Variants in ITGA9 observed in about 807,000 individuals in gnomAD.
ITGA9 encodes the protein integrin alpha-9.
Under a neutral mutation model 127.8 loss-of-function variants are expected in ITGA9, and 56 were observed. The observed-to-expected ratio is 0.44, with a 90% CI of 0.35 to 0.55. ITGA9 has a LOEUF of 0.55. Ranked by LOEUF, ITGA9 falls within the 20% of genes least tolerant of loss-of-function variation. The pLI is 0.00. For synonymous variants in ITGA9, 508 were observed against 514.5 expected, an observed-to-expected ratio of 0.99 and a Z score of 0.17; for missense variants, 1,196 against 1,347.1, an observed-to-expected ratio of 0.89 and a Z score of 1.76.
intron 15 of ITGA9, among the ~76,000 whole-genome samples, chr3:37,578,147 A>C (rs987918438): frequency 6.6e-6 from 1 of 152,214 alleles, no homozygotes. Flanking sequence ...AGAAATGTTC[A>C]ATGAGGGGAA....
intron 15 of ITGA9, among the ~76,000 whole-genome samples, chr3:37,607,578 C>G (rs976409415): frequency 6.6e-6 from 1 of 152,070 alleles, no homozygotes. Context: ...GATTAAGGCA[C>G]CAGCATTCAG....
chr3:37,624,197 AC>A (rs1359077714), intron 15 of ITGA9, among the ~76,000 whole-genome samples: 2 of 102,390 alleles, frequency 2.0e-5, no homozygotes, highest in African/African-American at 7.8e-5. Flanking sequence ...AAGAAAAAAA[AC>A]CCTTTTTTTT....
chr3:37,813,525 T>G (rs943999187), intron 27 of ITGA9, among the ~76,000 whole-genome samples: 2 of 152,246 alleles, frequency 1.3e-5, no homozygotes, highest in African/African-American at 4.8e-5. Context: ...AAATGTTAGC[T>G]AGGAAGACCT....
At chr3:37,547,528 G>A (rs1388549694) in intron 15 of ITGA9, among the ~76,000 whole-genome samples, 2 of 151,914 alleles carry the variant, frequency 1.3e-5, no homozygotes, top group African/African-American at 4.8e-5. Context: ...TTGGATGCTG[G>A]TTTTCAGAGG....
intron 4 of ITGA9, among the ~76,000 whole-genome samples, chr3:37,484,780 G>C (rs1465428139): frequency 6.6e-6 from 1 of 152,136 alleles, no homozygotes. Context: ...ATCTCAGATG[G>C]GTTATTTAAG....
intron 18 of ITGA9, among the ~76,000 whole-genome samples, chr3:37,691,009 A>G (rs1700826762): frequency 1.3e-5 from 2 of 152,168 alleles, no homozygotes; most frequent in Non-Finnish European, 1.5e-5. Flanking sequence ...CCTTTCCCCA[A>G]GTGTCAAGAA....
intron 17 of ITGA9, among the ~76,000 whole-genome samples, chr3:37,671,814 A>T (rs1700639542): frequency 1.3e-5 from 2 of 152,200 alleles, no homozygotes; most frequent in African/African-American, 4.8e-5. Context: ...GCATGATGAG[A>T]TGGGGAAGCA....
intron 23 of ITGA9, among the ~76,000 whole-genome samples, chr3:37,773,103 T>C (rs1240376131): frequency 6.6e-6 from 1 of 152,198 alleles, no homozygotes; most frequent in East Asian, 1.9e-4. Flanking sequence ...TCTTCACACC[T>C]GAAGCACATT....
At chr3:37,615,552 T>C (rs1248800856) in intron 15 of ITGA9, among the ~76,000 whole-genome samples, 1 of 152,240 alleles carries the variant, frequency 6.6e-6, no homozygotes, top group Non-Finnish European at 1.5e-5. Flanking sequence ...TCCCAGCTCC[T>C]CCTTGTACCT....
chr3:37,625,609 AT>A (rs889282009), intron 15 of ITGA9, among the ~76,000 whole-genome samples: 4 of 152,004 alleles, frequency 2.6e-5, no homozygotes, highest in African/African-American at 4.8e-5. Flanking sequence ...TTGTAGCGTT[AT>A]TTTTTTTAAG....
chr3:37,772,920 T>A (rs1356791998), intron 23 of ITGA9, among the ~76,000 whole-genome samples: 1 of 152,154 alleles, frequency 6.6e-6, no homozygotes. Flanking sequence ...CATTACCCTG[T>A]TCACAGGCCA....
intron 18 of ITGA9, among the ~76,000 whole-genome samples, chr3:37,695,160 A>G (rs1700871567): frequency 6.6e-6 from 1 of 152,144 alleles, no homozygotes; most frequent in Non-Finnish European, 1.5e-5. Flanking sequence ...AGGGCCACTT[A>G]GGGAGGAATA....
At chr3:37,793,914 G>A (rs1697142848) in intron 26 of ITGA9, among the ~76,000 whole-genome samples, 1 of 152,178 alleles carries the variant, frequency 6.6e-6, no homozygotes, top group Non-Finnish European at 1.5e-5. Flanking sequence ...GCCTCTAGAA[G>A]TGAAGGCATG....
chr3:37,727,791 C>CT (rs1365182329), intron 18 of ITGA9, among the ~76,000 whole-genome samples: 2 of 152,126 alleles, frequency 1.3e-5, no homozygotes, highest in African/African-American at 4.8e-5. Flanking sequence ...TTCTCTTGAT[C>CT]TTTTTTATTT....
intron 1 of ITGA9, among the ~76,000 whole-genome samples, chr3:37,457,074 TAAGAAA>T (rs928126594): frequency 1.3e-5 from 2 of 151,374 alleles, no homozygotes; most frequent in African/African-American, 2.4e-5. Context: ...AAAGGAGAGG[TAAGAAA>T]AAGAAAAAGA....
At chr3:37,694,774 T>C (rs1700866904) in intron 18 of ITGA9, among the ~76,000 whole-genome samples, 1 of 152,204 alleles carries the variant, frequency 6.6e-6, no homozygotes, top group Admixed American at 6.5e-5. Context: ...GGGGGAGTCT[T>C]GGATTTTAAA....
At chr3:37,473,314 AC>A (rs919746051) in intron 2 of ITGA9, 39 bp from the exon 3 acceptor site, 1 of 1,528,024 alleles carries the variant, frequency 6.5e-7, no homozygotes, top group African/African-American at 1.4e-5. Context: ...GCAGAACATC[AC>A]TCCTCAACCC....
At chr3:37,483,303 T>A (rs1377977022) in intron 4 of ITGA9, among the ~76,000 whole-genome samples, 1 of 152,194 alleles carries the variant, frequency 6.6e-6, no homozygotes, top group East Asian at 1.9e-4. Flanking sequence ...TCCACGAGGC[T>A]CATAATTCTG....
chr3:37,561,920 A>C (rs1190322681), intron 15 of ITGA9, among the ~76,000 whole-genome samples: 7 of 152,170 alleles, frequency 4.6e-5, no homozygotes, highest in Non-Finnish European at 1.0e-4. Context: ...GTAAGCAAGC[A>C]CTATTGTGCT....
Sources: gnomAD v4.1 joint callset for allele counts (sites outside exome capture counted in the v4.1 genomes callset) on GRCh38, gnomAD v4.1.1 for gene constraint, MANE v1.5 for transcripts, NCBI Gene and HGNC (gene_info 2026-07-23, HGNC 2026-07-21) for gene names.